The following DACH1 variants were observed in gnomAD, a reference collection of about 807,000 sequenced individuals.
The protein encoded by DACH1 is dachshund homolog 1.
DACH1 carries 12 observed loss-of-function variants against 54.2 expected under a neutral mutation model. The ratio of observed to expected loss-of-function variants is 0.22; its 90% CI spans 0.14 to 0.36. DACH1 has a LOEUF of 0.36. Among genes scored for constraint, DACH1 ranks in the 10% least tolerant of loss-of-function variants. The pLI is 1.00. For synonymous variants in DACH1, 386 were observed against 366.2 expected (o/e 1.05, Z -0.62); for missense variants, 805 against 929.8 (o/e 0.87, Z 1.75).
At chr13:71,562,057 A>C (rs1191539791) in intron 4 of DACH1, among the ~76,000 whole-genome samples, 1 of 152,150 alleles carries the variant, frequency 6.6e-6, no homozygotes, top group East Asian at 1.9e-4. Flanking sequence ...GAAAGTTGCA[A>C]TGCGTATTAC....
At chr13:71,861,906 C>T (rs866607352) in intron 1 of DACH1, among the ~76,000 whole-genome samples, 1 of 76,058 alleles carries the variant, frequency 1.3e-5, no homozygotes, top group South Asian at 3.6e-4. Flanking sequence ...AAACTCCTAA[C>T]CAAAAAAAAA....
At chr13:71,530,645 C>A (rs911505513) in intron 6 of DACH1, among the ~76,000 whole-genome samples, 42 of 152,160 alleles carry the variant, frequency 2.8e-4, no homozygotes, top group Non-Finnish European at 5.4e-4. Context: ...TGGTAATTTA[C>A]AGACCTCTAA....
At chr13:71,762,440 A>G (rs1885437542) in intron 1 of DACH1, among the ~76,000 whole-genome samples, 1 of 152,164 alleles carries the variant, frequency 6.6e-6, no homozygotes, top group African/African-American at 2.4e-5. Context: ...AATGATGAAT[A>G]TGATGTAATA....
intron 3 of DACH1, among the ~76,000 whole-genome samples, chr13:71,612,215 C>CTA (rs1193412046): frequency 6.6e-6 from 1 of 151,992 alleles, no homozygotes; most frequent in Non-Finnish European, 1.5e-5. Flanking sequence ...TCCTGAAATG[C>CTA]TATAGTAGAA....
intron 6 of DACH1, among the ~76,000 whole-genome samples, chr13:71,493,016 G>A (rs1360903119): frequency 1.3e-5 from 2 of 149,814 alleles, no homozygotes; most frequent in African/African-American, 4.9e-5. Context: ...TTTGTGACAT[G>A]TTCTTAATGA....
At chr13:71,652,345 G>T (rs529447535) in intron 2 of DACH1, among the ~76,000 whole-genome samples, 1 of 151,946 alleles carries the variant, frequency 6.6e-6, no homozygotes, top group African/African-American at 2.4e-5. Flanking sequence ...CCACTCCTCT[G>T]CTTGCACATT....
intron 2 of DACH1, among the ~76,000 whole-genome samples, chr13:71,668,789 G>T: frequency 6.6e-6 from 1 of 151,954 alleles, no homozygotes; most frequent in Non-Finnish European, 1.5e-5. Context: ...GCCAGGCATG[G>T]TGATGGGCGC....
intron 7 of DACH1, among the ~76,000 whole-genome samples, chr13:71,480,066 T>C (rs1367224965): frequency 6.6e-6 from 1 of 152,218 alleles, no homozygotes; most frequent in African/African-American, 2.4e-5. Context: ...TATGTCTTCT[T>C]TATTAAAATG....
intron 6 of DACH1, among the ~76,000 whole-genome samples, chr13:71,504,962 T>A (rs931857731): frequency 6.6e-6 from 1 of 152,192 alleles, no homozygotes; most frequent in Non-Finnish European, 1.5e-5. Context: ...TTAAAAATAT[T>A]TCACAATGAA....
chr13:71,446,599 T>G (rs2138105226), intron 10 of DACH1, among the ~76,000 whole-genome samples: 1 of 152,316 alleles, frequency 6.6e-6, no homozygotes, highest in East Asian at 1.9e-4. Context: ...TTTCTGTGAA[T>G]TCAAATTTCA....
At chr13:71,607,922 G>T (rs1874997318) in intron 3 of DACH1, among the ~76,000 whole-genome samples, 1 of 151,936 alleles carries the variant, frequency 6.6e-6, no homozygotes, top group South Asian at 2.1e-4. Flanking sequence ...CCTCAGTTTA[G>T]GAATGAAGAT....
chr13:71,477,018 AT>A (rs1362074157), intron 8 of DACH1, among the ~76,000 whole-genome samples: 1 of 149,098 alleles, frequency 6.7e-6, no homozygotes, highest in Non-Finnish European at 1.5e-5. Flanking sequence ...AAATTATAAA[AT>A]AATAACGACT....
chr13:71,718,652 TACTC>T (rs1355497810), intron 1 of DACH1, among the ~76,000 whole-genome samples: 6 of 151,974 alleles, frequency 3.9e-5, no homozygotes, highest in Admixed American at 2.6e-4. Flanking sequence ...CTAGATAACT[TACTC>T]AGTATATCAG....
At chr13:71,491,786 A>G (rs1329017103) in intron 6 of DACH1, among the ~76,000 whole-genome samples, 2 of 152,162 alleles carry the variant, frequency 1.3e-5, no homozygotes. Flanking sequence ...AGCTCTTCCT[A>G]CAAAGATTGT....
intron 1 of DACH1, among the ~76,000 whole-genome samples, chr13:71,739,028 G>A (rs11840295): frequency 0.05 from 7,618 of 151,900 alleles, 636 homozygotes; most frequent in African/African-American, 0.17. Flanking sequence ...CGAGGCGGGC[G>A]GATCACCTGA....
At position 71,692,038 on chromosome 13, in the gene DACH1, C is replaced by G. The variant is rs142606227; in HGVS notation, c.849-10128G>C. Among the ~76,000 whole-genome samples the G allele has an allele frequency of 1.3e-3, 201 of 151,836 alleles. 3 individuals are homozygous for G. In the East Asian group the frequency reaches 0.035, roughly 27 times the overall value. On this transcript the variant is annotated intron_variant, in intron 1 of 10. Coordinates refer to ENST00000613252, the MANE Select transcript of DACH1 (RefSeq NM_080759.6). ...ACACACACACACACACACACACACA[C>G]ACACACACAGACACACACATACACT...
At chr13:71,606,272 T>C (rs1485273578) in intron 3 of DACH1, among the ~76,000 whole-genome samples, 9 of 152,072 alleles carry the variant, frequency 5.9e-5, no homozygotes. Flanking sequence ...AGCTGTCCAT[T>C]TTAACACCCT....
intron 1 of DACH1, among the ~76,000 whole-genome samples, chr13:71,800,155 G>T (rs1887233657): frequency 6.6e-6 from 1 of 151,966 alleles, no homozygotes; most frequent in Non-Finnish European, 1.5e-5. Flanking sequence ...GCGAAAGTTG[G>T]ACAAGACTAT....
intron 1 of DACH1, among the ~76,000 whole-genome samples, chr13:71,718,072 C>A (rs930872977): frequency 6.6e-6 from 1 of 151,762 alleles, no homozygotes; most frequent in Non-Finnish European, 1.5e-5. Context: ...AAAAGAACAA[C>A]CACAGGGTTG....
Sources: allele counts gnomAD v4.1 joint callset (sites outside exome capture counted in the v4.1 genomes callset), GRCh38; gene constraint gnomAD v4.1.1; transcripts MANE v1.5; gene names NCBI Gene and HGNC (gene_info 2026-07-23, HGNC 2026-07-21).